ASAP1: variants seen among roughly 807,000 people sequenced by gnomAD.
ASAP1 encodes the protein arf-GAP with SH3 domain, ANK repeat and PH domain-containing protein 1.
ASAP1 carries 43 observed loss-of-function variants against 145.2 expected under a neutral mutation model. The ratio of observed to expected loss-of-function variants is 0.30; its 90% CI spans 0.23 to 0.38. The LOEUF is 0.38. Among genes scored for constraint, ASAP1 ranks in the 10% least tolerant of loss-of-function variants. ASAP1 has a pLI of 1.00. For missense variants in ASAP1, 1,018 were observed against 1,355.3 expected (o/e 0.75, Z 3.91); for synonymous variants, 546 against 515.5 (o/e 1.06, Z -0.80).
chr8:130,341,416 G>T (rs977513260), intron 3 of ASAP1, among the ~76,000 whole-genome samples: 1 of 152,138 alleles, frequency 6.6e-6, no homozygotes, highest in African/African-American at 2.4e-5. Context: ...GCAGAGACTT[G>T]GAGACTTGAG....
chr8:130,266,670 G>C lies in ASAP1; in HGVS notation c.187-29676C>G, dbSNP rs370879143. On this transcript the variant is annotated intron_variant, in intron 3 of 29. Transcript: ENST00000518721. The stretch of plus-strand genomic sequence containing the variant: ...AGAGAACCAACAGTTATAAAAAACA[G>C]AACTAATTTCCCCAATAATTTGATT... Among the ~76,000 whole-genome samples the C allele has an allele frequency of 6.6e-5, 10 of 151,798 alleles. No homozygotes were observed. The East Asian group carries it at 7.7e-4, about 12-fold the overall frequency.
intron 24 of ASAP1, among the ~76,000 whole-genome samples, chr8:130,099,638 C>T (rs1348059305): frequency 6.6e-6 from 1 of 150,580 alleles, no homozygotes; most frequent in African/African-American, 2.4e-5. Flanking sequence ...AAATAATGTC[C>T]TTCAGGGTCA....
chr8:130,106,324 T>C (rs186295020), intron 24 of ASAP1, among the ~76,000 whole-genome samples: 1 of 152,288 alleles, frequency 6.6e-6, no homozygotes, highest in Non-Finnish European at 1.5e-5. Context: ...AAGTCATCAA[T>C]ATATGAATAA....
chr8:130,423,424 T>C (rs938809666), intron 1 of ASAP1, among the ~76,000 whole-genome samples: 1 of 152,218 alleles, frequency 6.6e-6, no homozygotes, highest in African/African-American at 2.4e-5. Context: ...TGGTAATATG[T>C]ACAACACTTG....
chr8:130,338,101 A>C (rs1825149556), intron 3 of ASAP1, among the ~76,000 whole-genome samples: 1 of 152,244 alleles, frequency 6.6e-6, no homozygotes, highest in Admixed American at 6.5e-5. Flanking sequence ...AGACGACCTA[A>C]GGAGCCTGTG....
chr8:130,231,201 G>A (rs1023676087), intron 4 of ASAP1, among the ~76,000 whole-genome samples: 1 of 152,146 alleles, frequency 6.6e-6, no homozygotes, highest in African/African-American at 2.4e-5. Context: ...CAAACCCTGT[G>A]TTATAAAACT....
chr8:130,105,276 T>G (rs918039841), intron 24 of ASAP1, among the ~76,000 whole-genome samples: 7 of 152,140 alleles, frequency 4.6e-5, no homozygotes, highest in Admixed American at 4.6e-4. Flanking sequence ...ATTTACATTG[T>G]AGTAGGTATA....
intron 3 of ASAP1, among the ~76,000 whole-genome samples, chr8:130,307,630 G>A (rs942185446): frequency 6.6e-6 from 1 of 152,184 alleles, no homozygotes; most frequent in African/African-American, 2.4e-5. Flanking sequence ...CATAGTGCTG[G>A]ACAATTTAAA....
chr8:130,127,211 T>C (rs947570621), intron 16 of ASAP1, among the ~76,000 whole-genome samples: 15 of 152,176 alleles, frequency 9.9e-5, no homozygotes, highest in Admixed American at 2.6e-4. Flanking sequence ...TGATTTCACA[T>C]GCACCATTTC....
intron 24 of ASAP1, among the ~76,000 whole-genome samples, chr8:130,106,801 C>T (rs1428378188): frequency 6.6e-6 from 1 of 152,232 alleles, no homozygotes; most frequent in Non-Finnish European, 1.5e-5. Context: ...CTCTCTGAAG[C>T]TGTGAACAGC....
chr8:130,336,325 G>A (rs1443224507), intron 3 of ASAP1, among the ~76,000 whole-genome samples: 1 of 152,182 alleles, frequency 6.6e-6, no homozygotes, highest in Non-Finnish European at 1.5e-5. Context: ...TATTCCTAGT[G>A]TGGTCAGTGA....
Position 130,306,719 on chromosome 8 carries a change from TTAAG to T in ASAP1, c.186+51294_186+51297del, listed in dbSNP as rs1483383220. ...TTCATTCATATATTTAGGGTAAACT[TTAAG>T]TAAATACCAATGGACCACATAAATT... On this transcript the variant is annotated intron_variant, in intron 3 of 29. Transcript: ENST00000518721. Among the ~76,000 whole-genome samples, 4 of 152,314 alleles carry T rather than the reference TTAAG, an allele frequency of 2.6e-5. No homozygotes were observed. The East Asian group carries it at 7.7e-4, about 29-fold the overall frequency.
At chr8:130,428,417 AT>A in intron 1 of ASAP1, among the ~76,000 whole-genome samples, 1 of 139,784 alleles carries the variant, frequency 7.2e-6, no homozygotes, top group African/African-American at 2.8e-5. Flanking sequence ...CACCACCACC[AT>A]CACCATCATC....
chr8:130,174,631 G>A (rs776426796), intron 9 of ASAP1, among the ~76,000 whole-genome samples: 7 of 152,184 alleles, frequency 4.6e-5, no homozygotes, highest in Admixed American at 3.3e-4. Flanking sequence ...CAGAGGGGCT[G>A]GAGATTGGGC....
intron 25 of ASAP1, chr8:130,082,996 C>A (rs1330211993): frequency 1.3e-5 from 2 of 152,198 alleles, no homozygotes; most frequent in African/African-American, 4.8e-5. Context: ...TGAACTGTTA[C>A]ATCCACTAAT....
intron 3 of ASAP1, among the ~76,000 whole-genome samples, chr8:130,284,079 T>C (rs1821441906): frequency 6.6e-6 from 1 of 152,186 alleles, no homozygotes; most frequent in Non-Finnish European, 1.5e-5. Context: ...AAATTTCCAG[T>C]TCACTGGCAC....
intron 1 of ASAP1, among the ~76,000 whole-genome samples, chr8:130,439,382 G>A (rs561661085): frequency 6.6e-5 from 10 of 152,270 alleles, no homozygotes; most frequent in South Asian, 6.2e-4. Flanking sequence ...ACTAAGTTTG[G>A]AGTAATTTGT....
chr8:130,284,386 T>C (rs1464522757), intron 3 of ASAP1, among the ~76,000 whole-genome samples: 1 of 152,146 alleles, frequency 6.6e-6, no homozygotes, highest in Non-Finnish European at 1.5e-5. Flanking sequence ...AGCCACAAAG[T>C]ATGAGGTTCA....
intron 12 of ASAP1, among the ~76,000 whole-genome samples, chr8:130,158,701 G>A (rs2097662914): frequency 6.6e-6 from 1 of 152,040 alleles, no homozygotes; most frequent in African/African-American, 2.4e-5. Flanking sequence ...AAGGGAAGCC[G>A]CTGGAGTATT....
Sources: gnomAD v4.1 joint callset for allele counts (sites outside exome capture counted in the v4.1 genomes callset) on GRCh38, gnomAD v4.1.1 for gene constraint, MANE v1.5 for transcripts, NCBI Gene and HGNC (gene_info 2026-07-23, HGNC 2026-07-21) for gene names.